The following DLEC1 variants were observed in gnomAD, a reference collection of about 807,000 sequenced individuals.
DLEC1 encodes DLEC1 cilia and flagella associated protein, also known as deleted in lung and esophageal cancer protein 1.
DLEC1 carries 146 observed loss-of-function variants against 198.1 expected under a neutral mutation model. That is an observed-to-expected ratio of 0.74 (90% CI 0.64 to 0.85). DLEC1 has a LOEUF of 0.85. Ranked by LOEUF, DLEC1 falls within the 40% of genes least tolerant of loss-of-function variation. The pLI is 0.00. For synonymous variants in DLEC1, 897 were observed against 866.8 expected (o/e 1.03, Z -0.61); for missense variants, 2,233 against 2,220.0 (o/e 1.01, Z -0.12).
chr3:38,096,867 C>A, intron 15 of DLEC1, 130 bp downstream of exon 15: 1 of 1,146,658 alleles, frequency 8.7e-7, no homozygotes, highest in Non-Finnish European at 1.2e-6. Flanking sequence ...ATTCCCAGGG[C>A]TTTGAACCCA....
At chr3:38,094,303 C>A (rs180861653) in intron 12 of DLEC1, among the ~76,000 whole-genome samples, 1 of 152,300 alleles carries the variant, frequency 6.6e-6, no homozygotes, top group East Asian at 1.9e-4. Context: ...CCAGGGCTGC[C>A]CTGGGGACCC....
rs1443709733 is a variant in DLEC1, at chr3:38,122,787, T to G, written c.*375T>G. ...TTTGCCTTGCCTTAAGAATTAACCATGGCCTTGTGGCCTGGGTGACCCAGG... is the reference window on the plus strand; with the variant it reads ...TTTGCCTTGCCTTAAGAATTAACCAGGGCCTTGTGGCCTGGGTGACCCAGG... On this transcript the variant is annotated 3_prime_UTR_variant, in exon 37 of 37. Coordinates refer to ENST00000308059, the MANE Select transcript of DLEC1 (RefSeq NM_007335.4). 4 of 1,090,472 alleles carry G rather than the reference T, an allele frequency of 3.7e-6. No individual in the cohort carries two copies. The African/African-American group carries it at 4.8e-5, about 13-fold the overall frequency. The allele number at this position is 1,090,472 out of a possible 1,614,324, so 67.5% of individuals were successfully genotyped here. A position where few individuals can be genotyped will look rare whatever the true frequency, so the allele number is the denominator to read the frequency against.
At chr3:38,118,755 T>C (rs564390889) in intron 33 of DLEC1, among the ~76,000 whole-genome samples, 33 of 152,292 alleles carry the variant, frequency 2.2e-4, no homozygotes, top group Middle Eastern at 3.4e-3. Flanking sequence ...CTTCCCTTTA[T>C]GCTGTGCTCC....
chr3:38,108,022 C>A (rs567617161), intron 20 of DLEC1, among the ~76,000 whole-genome samples: 2 of 152,312 alleles, frequency 1.3e-5, no homozygotes, highest in East Asian at 3.9e-4. Flanking sequence ...CATGACTGGC[C>A]CAGGTAGCTG....
intron 2 of DLEC1, chr3:38,051,801 C>T (rs1431990264): frequency 6.5e-6 from 1 of 154,920 alleles, no homozygotes; most frequent in Admixed American, 6.5e-5. Context: ...TCATTTTCTA[C>T]TCTCTACAAA....
At chr3:38,042,210 C>A (rs1365316529) in intron 1 of DLEC1, among the ~76,000 whole-genome samples, 3 of 152,092 alleles carry the variant, frequency 2.0e-5, no homozygotes, top group Admixed American at 6.6e-5. Context: ...CCAGGCTGGT[C>A]TCCAACTCCT....
At chr3:38,117,126 G>A in intron 30 of DLEC1, 26 bp downstream of exon 30, 1 of 1,613,894 alleles carries the variant, frequency 6.2e-7, no homozygotes, top group Non-Finnish European at 8.5e-7. Context: ...CTGGGGTGGG[G>A]GCCGCAGCCA....
rs535170131 is a variant in DLEC1 at position 38,097,532 on chromosome 3, G to A, written c.2460G>A (p.Glu820=). 39 of 1,614,178 alleles carry A rather than the reference G, an allele frequency of 2.4e-5. No homozygotes were observed. In the South Asian group the frequency reaches 3.2e-4, roughly 13 times the overall value. ...VIEPSEVGDF[E]LNFTGGVPGP... is the part of the protein sequence containing the mutation. The stretch of plus-strand genomic sequence containing the variant: ...AGCCCAGTGAGGTCGGGGATTTTGA[G>A]TTGAACTTTACTGGGGGTGTCCCTG... The change falls in exon 17 of 37, where the codon GAG becomes GAA. Residue 820 remains glutamate, a synonymous_variant. Coordinates refer to ENST00000308059, the MANE Select transcript of DLEC1 (RefSeq NM_007335.4).
chr3:38,100,770 G>A (rs1434059279), intron 19 of DLEC1, among the ~76,000 whole-genome samples: 1 of 152,180 alleles, frequency 6.6e-6, no homozygotes, highest in East Asian at 1.9e-4. Flanking sequence ...AGTGGGAGAT[G>A]TGTGCTCATG....
Position 38,081,767 on chromosome 3 carries a change from G to A in DLEC1, c.1174-2391G>A, listed in dbSNP as rs1304563529. On this transcript the variant is annotated intron_variant, in intron 6 of 36. Coordinates refer to ENST00000308059, the MANE Select transcript of DLEC1 (RefSeq NM_007335.4). ...CGGGCAGAGGCGCCCCTCACCTCCC[G>A]GACGGGGCGGCTGGCCGGGCGGGGG... is the stretch of plus-strand genomic sequence containing the variant. Among the ~76,000 whole-genome samples the A allele has an allele frequency of 7.7e-5, 7 of 90,674 alleles. No individual in the cohort carries two copies. The East Asian group carries it at 1.3e-3, about 17-fold the overall frequency. The allele number at this position is 90,674 out of a possible 152,430, so 59.5% of individuals were successfully genotyped here.
chr3:38,095,663 C>T, intron 13 of DLEC1: 2 of 549,052 alleles, frequency 3.6e-6, no homozygotes, highest in Non-Finnish European at 6.5e-6. Flanking sequence ...CTTCTTGCAC[C>T]CAGGCCCAGC....
chr3:38,046,795 C>T (rs550053522), intron 2 of DLEC1, among the ~76,000 whole-genome samples: 4 of 152,278 alleles, frequency 2.6e-5, no homozygotes, highest in East Asian at 3.9e-4. Context: ...CCCCCTCAGG[C>T]CCAGGATCCT....
chr3:38,054,434 A>G (rs1466435267), intron 2 of DLEC1, among the ~76,000 whole-genome samples: 1 of 152,212 alleles, frequency 6.6e-6, no homozygotes, highest in Admixed American at 6.5e-5. Context: ...GACTGAAGAC[A>G]TGAGGTTCCT....
intron 1 of DLEC1, among the ~76,000 whole-genome samples, chr3:38,044,914 C>T (rs566712116): frequency 2.0e-4 from 31 of 152,264 alleles, no homozygotes; most frequent in African/African-American, 5.1e-4. Flanking sequence ...TGTTAGCTAT[C>T]AACACCTGTG....
At chr3:38,102,237 C>A (rs1233725101) in intron 19 of DLEC1, among the ~76,000 whole-genome samples, 1 of 152,164 alleles carries the variant, frequency 6.6e-6, no homozygotes, top group Non-Finnish European at 1.5e-5. Context: ...CAGGCTCACA[C>A]ACTCCCACCT....
intron 6 of DLEC1, among the ~76,000 whole-genome samples, chr3:38,079,949 T>C (rs1207379642): frequency 6.6e-6 from 1 of 152,206 alleles, no homozygotes; most frequent in African/African-American, 2.4e-5. Flanking sequence ...TTTGGAGTTG[T>C]ATTTAATGTC....
intron 6 of DLEC1, among the ~76,000 whole-genome samples, chr3:38,070,185 T>C (rs1264769300): frequency 6.6e-6 from 1 of 152,146 alleles, no homozygotes; most frequent in Non-Finnish European, 1.5e-5. Context: ...AAAGTGGGGC[T>C]TAAAGGGGGT....
Position 38,092,507 on chromosome 3 carries a change from C to T in DLEC1, c.1666-283C>T, listed in dbSNP as rs565859823. Among the ~76,000 whole-genome samples the T allele has an allele frequency of 1.8e-4, 28 of 152,256 alleles. No individual in the cohort carries two copies. The South Asian group carries it at 3.5e-3, about 19-fold the overall frequency. On this transcript the variant is annotated intron_variant, in intron 10 of 36. Transcript: ENST00000308059. The stretch of plus-strand genomic sequence containing the variant: ...CTGGATGGTTTTCATTGACATTTCT[C>T]TTATTATGAATGAGGGTATGTGTTG...
intron 10 of DLEC1, 112 bp downstream of exon 10, chr3:38,088,500 T>C: frequency 1.0e-6 from 1 of 973,164 alleles, no homozygotes; most frequent in South Asian, 1.5e-5. Context: ...CCTTAGTGAC[T>C]TCTGGGTAGA....
Sources: gnomAD v4.1 joint callset for allele counts (sites outside exome capture counted in the v4.1 genomes callset) on GRCh38, gnomAD v4.1.1 for gene constraint, MANE v1.5 for transcripts, NCBI Gene and HGNC (gene_info 2026-07-23, HGNC 2026-07-21) for gene names.